The following CSNK1A1 variants were observed in gnomAD, a reference collection of about 807,000 sequenced individuals.
CSNK1A1 encodes casein kinase 1 alpha 1, also known as casein kinase I isoform alpha.
A neutral mutation model predicts 46.1 loss-of-function variants in CSNK1A1; 7 were observed. The ratio of observed to expected loss-of-function variants is 0.15; its 90% confidence interval spans 0.09 to 0.29. CSNK1A1 has a LOEUF of 0.29. Among genes scored for constraint, CSNK1A1 ranks in the 10% least tolerant of loss-of-function variants. The pLI is 1.00. For missense variants in CSNK1A1, 96 were observed against 417.1 expected, an observed-to-expected ratio of 0.23 and a Z score of 6.71; for synonymous variants, 137 against 141.5, an observed-to-expected ratio of 0.97 and a Z score of 0.23.
At position 149,544,756 on chromosome 5, in the gene CSNK1A1, T is replaced by C. The variant is rs12520796; in HGVS notation, c.230+5319A>G. On this transcript the variant is annotated intron_variant, in intron 2 of 9. Coordinates refer to ENST00000377843, the MANE Select transcript of CSNK1A1 (RefSeq NM_001892.6). ...AGAGCTTTATATATATATATATATA[T>C]ATATATATAGTTATTGACCAATCAT... Among the ~76,000 whole-genome samples the C allele has an allele frequency of 5.7e-4, 53 of 92,276 alleles. 4 individuals carry two copies. In the South Asian group the frequency reaches 0.012, roughly 22 times the overall value. 60.5% of individuals were successfully genotyped at this position (92,276 alleles called of 152,430 possible). A position where few individuals can be genotyped will look rare whatever the true frequency, so the allele number is the denominator to read the frequency against.
intron 2 of CSNK1A1, among the ~76,000 whole-genome samples, chr5:149,530,377 A>G (rs1761856607): frequency 6.6e-6 from 1 of 152,220 alleles, no homozygotes; most frequent in Non-Finnish European, 1.5e-5. Flanking sequence ...AATAAGCCAA[A>G]TAATTATAAA....
chr5:149,498,887 T>A (rs1760736981), intron 9 of CSNK1A1: 3 of 985,304 alleles, frequency 3.0e-6, no homozygotes, highest in Admixed American at 6.2e-5. Flanking sequence ...TCAGAATGTA[T>A]CTGTACATCT....
intron 7 of CSNK1A1, among the ~76,000 whole-genome samples, chr5:149,509,647 G>A (rs750753149): frequency 7.2e-5 from 11 of 152,016 alleles, no homozygotes; most frequent in East Asian, 1.9e-4. Context: ...CAAGTGATCC[G>A]CCCACCTCGG....
intron 2 of CSNK1A1, among the ~76,000 whole-genome samples, chr5:149,546,707 T>A (rs542904605): frequency 6.6e-6 from 1 of 151,968 alleles, no homozygotes; most frequent in Non-Finnish European, 1.5e-5. Flanking sequence ...AATTTGTATA[T>A]GAAGGATAAA....
chr5:149,507,850 T>C (rs1761086679), intron 7 of CSNK1A1, among the ~76,000 whole-genome samples: 1 of 152,184 alleles, frequency 6.6e-6, no homozygotes, highest in African/African-American at 2.4e-5. Flanking sequence ...ATTGAACATT[T>C]GGATGTATTC....
At chr5:149,501,976 GATAATAAGTGGC>G in intron 9 of CSNK1A1, 1 of 935,452 alleles carries the variant, frequency 1.1e-6, no homozygotes, top group Non-Finnish European at 1.3e-6. Context: ...AACTAGTATA[GATAATAAGTGGC>G]ATAAAGAGAA....
chr5:149,550,752 A>G lies in CSNK1A1; in HGVS notation c.123+90T>C, dbSNP rs1762632488. 6.4e-7 allele frequency: 1 copy of G among 1,569,242 alleles called. No homozygotes were observed. The highest frequency in any genetic ancestry group is 1.4e-5 in the African/African-American group (1 of 73,980). On this transcript the variant is annotated intron_variant, in intron 1 of 9. Coordinates refer to ENST00000377843, the MANE Select transcript of CSNK1A1 (RefSeq NM_001892.6). This position sits in a 1 kb window ranked among gnomAD's most constrained non-coding sequence, Gnocchi z 4.3. Reference sequence around the variant, plus strand: ...TCCCTGGCGAGTGCGTGCGATGAGGAGAGGCCCGAGCACTTTGGGGGTGCA... The same window carrying G: ...TCCCTGGCGAGTGCGTGCGATGAGGGGAGGCCCGAGCACTTTGGGGGTGCA...
intron 9 of CSNK1A1, chr5:149,502,650 C>T (rs764384191): frequency 2.2e-4 from 213 of 980,276 alleles, no homozygotes; most frequent in Non-Finnish European, 2.5e-4. Context: ...GTTGGAATAA[C>T]AGGCATGAGC....
chr5:149,493,229 C>G lies in CSNK1A1; in HGVS notation c.*3624G>C, dbSNP rs1335512906. 6.6e-6 allele frequency: 1 copy of G among 152,220 alleles called. No individual in the cohort carries two copies. The highest frequency in any genetic ancestry group is 1.5e-5 in the Non-Finnish European group (1 of 68,096). 9.4% of individuals were successfully genotyped at this position (152,220 alleles called of 1,614,324 possible). A position where few individuals can be genotyped will look rare whatever the true frequency, so the allele number is the denominator to read the frequency against. On this transcript the variant is annotated 3_prime_UTR_variant, in exon 10 of 10. Transcript: ENST00000377843. ...GGGATTACAGGCGCCCGCCACCACA[C>G]CCGGCTAATTTTTGTATTTTTAGTA...
At chr5:149,504,505 G>A (rs1760965996) in intron 9 of CSNK1A1, 1 of 985,280 alleles carries the variant, frequency 1.0e-6, no homozygotes, top group Non-Finnish European at 1.2e-6. Flanking sequence ...AAAGTAAGCA[G>A]GTATCAGGAG....
intron 6 of CSNK1A1, among the ~76,000 whole-genome samples, chr5:149,510,211 T>A (rs1182608285): frequency 6.6e-6 from 1 of 152,204 alleles, no homozygotes; most frequent in Non-Finnish European, 1.5e-5. Flanking sequence ...GGATATTAGA[T>A]TTAAGTAAAA....
rs1761447462 is a variant in CSNK1A1, at chr5:149,517,892, G to C, written c.456+2398C>G. On this transcript the variant is annotated intron_variant, in intron 4 of 9. Coordinates refer to ENST00000377843, the MANE Select transcript of CSNK1A1 (RefSeq NM_001892.6). This position sits in a 1 kb window ranked among gnomAD's most constrained non-coding sequence, Gnocchi z 4.4. ...GATTCTAAACACTAAACAGACAATA[G>C]AGGGTGGCAGTGCATCAAACAGTAT... The C allele has an allele frequency of 6.5e-7, 1 of 1,535,860 alleles. No homozygotes were observed. The highest frequency in any genetic ancestry group is 8.9e-7 in the Non-Finnish European group (1 of 1,117,754).
intron 8 of CSNK1A1, among the ~76,000 whole-genome samples, chr5:149,506,263 G>C (rs1761020459): frequency 6.6e-6 from 1 of 151,620 alleles, no homozygotes; most frequent in Non-Finnish European, 1.5e-5. Context: ...TTTTGAGACA[G>C]AGCCTCATTG....
chr5:149,520,516 A>G, intron 3 of CSNK1A1, 128 bp from the exon 4 acceptor site: 1 of 589,400 alleles, frequency 1.7e-6, no homozygotes, highest in East Asian at 2.8e-5. Flanking sequence ...TGAAATGGAA[A>G]GGACAACTAA....
At chr5:149,547,243 A>C (rs930773439) in intron 2 of CSNK1A1, among the ~76,000 whole-genome samples, 11 of 152,330 alleles carry the variant, frequency 7.2e-5, no homozygotes, top group Middle Eastern at 3.4e-3. Flanking sequence ...ACCCACAGAC[A>C]GCTTATAACT....
Position 149,517,915 on chromosome 5 carries a change from TA to T in CSNK1A1, c.456+2374del. On this transcript the variant is annotated intron_variant, in intron 4 of 9. Transcript: ENST00000377843. This position sits in a 1 kb window ranked among gnomAD's most constrained non-coding sequence, Gnocchi z 4.4. ...TAGAGGGTGGCAGTGCATCAAACAG[TA>T]TTGCTTACATTGCAACAATGGCCGG... 12 of 1,333,102 alleles carry T rather than the reference TA, an allele frequency of 9.0e-6. No homozygotes were observed. Among genetic ancestry groups the T allele is most frequent in the Non-Finnish European group, 1.3e-5 (12 of 938,744 alleles). 82.6% of individuals were successfully genotyped at this position (1,333,102 alleles called of 1,614,324 possible).
At chr5:149,534,014 T>C (rs1323208505) in intron 2 of CSNK1A1, among the ~76,000 whole-genome samples, 1 of 152,236 alleles carries the variant, frequency 6.6e-6, no homozygotes, top group African/African-American at 2.4e-5. Context: ...ATGGTAATGG[T>C]TGTACAACTT....
intron 9 of CSNK1A1, chr5:149,501,428 G>A (rs1419880841): frequency 1.0e-6 from 1 of 985,324 alleles, no homozygotes; most frequent in African/African-American, 1.7e-5. Flanking sequence ...CACATTCCTA[G>A]CAGCAATTGG....
In CSNK1A1 at chr5:149,494,163, C is replaced by A. The variant is rs533171517; in HGVS notation, c.*2690G>T. The stretch of plus-strand genomic sequence containing the variant: ...AATGAAATTAAACTTATGACTATTA[C>A]AGTATGCTCAGCTTAAAACATTTAT... On this transcript the variant is annotated 3_prime_UTR_variant, in exon 10 of 10. Transcript: ENST00000377843. The A allele has an allele frequency of 9.2e-5, 14 of 152,238 alleles. No homozygotes were observed. The South Asian group carries it at 2.1e-3, about 23-fold the overall frequency. The allele number at this position is 152,238 out of a possible 1,614,324, so 9.4% of individuals were successfully genotyped here. A position where few individuals can be genotyped will look rare whatever the true frequency, so the allele number is the denominator to read the frequency against.
Sources: allele counts gnomAD v4.1 joint callset (sites outside exome capture counted in the v4.1 genomes callset), GRCh38; gene constraint gnomAD v4.1.1; non-coding constraint Gnocchi (gnomAD v3.1); transcripts MANE v1.5; gene names NCBI Gene and HGNC (gene_info 2026-07-23, HGNC 2026-07-21).